The following EBF2 variants were observed in gnomAD, a reference collection of about 807,000 sequenced individuals.
EBF2 encodes EBF transcription factor 2, also known as transcription factor COE2.
In EBF2, 21 loss-of-function variants were observed where a neutral mutation model predicts 72.8. That is an observed-to-expected ratio of 0.29 (90% CI 0.20 to 0.42). The LOEUF (loss-of-function observed/expected upper bound fraction) is 0.42, where lower values mean the gene tolerates loss of function less well. Among genes scored for constraint, EBF2 ranks in the 10% least tolerant of loss-of-function variants. The pLI is 1.00. For synonymous variants in EBF2, 299 were observed against 274.2 expected (o/e 1.09, Z -0.89); for missense variants, 637 against 731.2 (o/e 0.87, Z 1.49).
intron 6 of EBF2, among the ~76,000 whole-genome samples, chr8:25,919,597 A>T (rs1803275323): frequency 6.6e-6 from 1 of 152,234 alleles, no homozygotes; most frequent in South Asian, 2.1e-4. Flanking sequence ...TACTGTCTTA[A>T]ATACACCTTC....
chr8:26,036,663 G>A (rs1426611519), intron 5 of EBF2, among the ~76,000 whole-genome samples: 1 of 151,116 alleles, frequency 6.6e-6, no homozygotes, highest in African/African-American at 2.4e-5. Flanking sequence ...GAGAACCTGA[G>A]ATGTTTGTGA....
chr8:25,978,881 A>G (rs1195043498), intron 6 of EBF2, among the ~76,000 whole-genome samples: 3 of 152,156 alleles, frequency 2.0e-5, no homozygotes, highest in African/African-American at 7.2e-5. Flanking sequence ...ATGACATGGA[A>G]GGTAAATAAA....
At chr8:25,943,311 C>CAAAAAAAAAAA (rs71551840) in intron 6 of EBF2, among the ~76,000 whole-genome samples, 5 of 59,122 alleles carry the variant, frequency 8.5e-5, no homozygotes, top group African/African-American at 1.4e-4. Flanking sequence ...TGTCTCTACA[C>CAAAAAAAAAAA]AAAAAAAAAA....
chr8:25,869,333 G>A (rs1802390899), intron 10 of EBF2, among the ~76,000 whole-genome samples: 1 of 152,062 alleles, frequency 6.6e-6, no homozygotes, highest in Non-Finnish European at 1.5e-5. Context: ...TGGAGACAGG[G>A]GAGCCTCAGG....
Position 25,935,741 on chromosome 8 carries a change from A to C in EBF2, c.552-27186T>G, listed in dbSNP as rs149838779. ...GCTGAAACTCTCCAGCCCTGCCCCA[A>C]TCTATGATTTCATTATGCACTTTGA... On this transcript the variant is annotated intron_variant, in intron 6 of 15. Transcript: ENST00000520164. Among the ~76,000 whole-genome samples the C allele has an allele frequency of 2.5e-3, 375 of 152,262 alleles. 1 individual carries two copies. Among genetic ancestry groups the C allele is most frequent in the African/African-American group, 8.6e-3 (356 of 41,556 alleles).
chr8:25,902,642 A>G (rs963683951), intron 7 of EBF2, among the ~76,000 whole-genome samples: 13 of 152,192 alleles, frequency 8.5e-5, no homozygotes, highest in African/African-American at 3.1e-4. Context: ...CAAGCAGCAC[A>G]CAGTCTATTG....
chr8:25,986,129 A>G (rs189223917), intron 6 of EBF2, among the ~76,000 whole-genome samples: 23 of 151,656 alleles, frequency 1.5e-4, no homozygotes. Context: ...AGCAACTATT[A>G]TATGCTGGGT....
At chr8:25,912,436 A>T (rs1380044049) in intron 6 of EBF2, among the ~76,000 whole-genome samples, 1 of 150,412 alleles carries the variant, frequency 6.6e-6, no homozygotes, top group Admixed American at 6.7e-5. Flanking sequence ...ACCTGTTATT[A>T]AAAAAACACT....
At chr8:25,975,296 T>A (rs1291407748) in intron 6 of EBF2, among the ~76,000 whole-genome samples, 1 of 152,164 alleles carries the variant, frequency 6.6e-6, no homozygotes, top group Non-Finnish European at 1.5e-5. Context: ...TGAAAAGGCC[T>A]TGGAGGTTTC....
Position 25,921,917 on chromosome 8 carries a change from G to A in EBF2, c.552-13362C>T, listed in dbSNP as rs192841570. On this transcript the variant is annotated intron_variant, in intron 6 of 15. Transcript: ENST00000520164. ...CCCTGGGCACTGCTTCTGTGCACCT[G>A]GAATTTCTAATCTTTCTTCCCATGC... Among the ~76,000 whole-genome samples the A allele has an allele frequency of 8.8e-4, 134 of 152,276 alleles. 1 individual carries two copies. The South Asian group carries it at 0.01, about 12-fold the overall frequency.
At chr8:25,990,357 C>T (rs1485747) in intron 6 of EBF2, among the ~76,000 whole-genome samples, 112,396 of 152,088 alleles carry the variant, frequency 0.74, 45,409 homozygotes, top group Non-Finnish European at 0.9. Context: ...TCATATGTAA[C>T]GTTGTTTTAA....
intron 6 of EBF2, among the ~76,000 whole-genome samples, chr8:25,974,112 C>A (rs116441004): frequency 6.6e-6 from 1 of 152,138 alleles, no homozygotes; most frequent in East Asian, 1.9e-4. Flanking sequence ...TTACCAAACA[C>A]GCAAATTTTA....
chr8:25,921,987 G>T lies in EBF2; in HGVS notation c.552-13432C>A, dbSNP rs527901310. ...GAAATATGCTGGATTCTTGGAACAA[G>T]GTGAAACTGAGCCACCTTGTTTCAA... On this transcript the variant is annotated intron_variant, in intron 6 of 15. Coordinates refer to ENST00000520164, the MANE Select transcript of EBF2 (RefSeq NM_022659.4). 2.0e-5 allele frequency among the ~76,000 whole-genome samples: 3 copies of T among 152,236 alleles called. No individual in the cohort carries two copies. In the South Asian group the frequency reaches 6.2e-4, roughly 32 times the overall value.
At chr8:26,034,136 T>C (rs1247282440) in intron 5 of EBF2, among the ~76,000 whole-genome samples, 1 of 152,246 alleles carries the variant, frequency 6.6e-6, no homozygotes, top group Non-Finnish European at 1.5e-5. Flanking sequence ...CTTATTTACA[T>C]AACATCTTTC....
intron 10 of EBF2, among the ~76,000 whole-genome samples, chr8:25,870,157 C>G (rs796719593): frequency 1.5e-4 from 23 of 152,232 alleles, no homozygotes; most frequent in African/African-American, 5.5e-4. Flanking sequence ...AGACCCCATG[C>G]GGAATCAACT....
rs1802017838 is a variant in EBF2 at position 25,853,186 on chromosome 8, C to CTGTT, written c.1529-2429_1529-2426dup. Among the ~76,000 whole-genome samples the CTGTT allele has an allele frequency of 2.6e-5, 4 of 152,146 alleles. No individual in the cohort carries two copies. In the South Asian group the frequency reaches 8.3e-4, roughly 32 times the overall value. On this transcript the variant is annotated intron_variant, in intron 14 of 15. Coordinates refer to ENST00000520164, the MANE Select transcript of EBF2 (RefSeq NM_022659.4). ...CAAAATTGTAAAAGTGCTAGTAGAG[C>CTGTT]TGTTAGGATGGTTAGAGGTTCACAA...
rs1416125789 is a variant in EBF2 at position 25,887,901 on chromosome 8, C to T, written c.823G>A (p.Gly275Arg). Residue 275 changes from glycine to arginine, a missense_variant, in exon 9 of 16, where the codon GGG (glycine) becomes AGG (arginine). Physicochemically the swap from Gly to Arg is moderately radical, Grantham distance 125. Coordinates refer to ENST00000520164, the MANE Select transcript of EBF2 (RefSeq NM_022659.4). ...TTGGAMVIII[G>R]DNFFDGLQVV... ...TGGAGACCATCAAAGAAGTTGTCCC[C>T]GATGATGATGACCATGGCTCCTCCT... 3 of 1,613,730 alleles carry T rather than the reference C, an allele frequency of 1.9e-6. No individual in the cohort carries two copies. The highest frequency in any genetic ancestry group is 1.7e-5 in the Admixed American group (1 of 59,966).
chr8:25,897,500 G>T (rs1802879702), intron 7 of EBF2, among the ~76,000 whole-genome samples: 1 of 152,060 alleles, frequency 6.6e-6, no homozygotes, highest in Non-Finnish European at 1.5e-5. Context: ...TAGTTTTTCA[G>T]CCCTCTCCTC....
intron 6 of EBF2, among the ~76,000 whole-genome samples, chr8:25,920,889 G>C (rs187737406): frequency 6.6e-6 from 1 of 151,748 alleles, no homozygotes; most frequent in Admixed American, 6.6e-5. Flanking sequence ...GATGTAGTGT[G>C]CTTTTTTTAT....
Sources: allele counts gnomAD v4.1 joint callset (sites outside exome capture counted in the v4.1 genomes callset), GRCh38; gene constraint gnomAD v4.1.1; transcripts MANE v1.5; gene names NCBI Gene and HGNC (gene_info 2026-07-23, HGNC 2026-07-21).